The following ASXL2 variants were observed in gnomAD, a reference collection of about 807,000 sequenced individuals.
ASXL2 encodes the protein ASXL transcriptional regulator 2, also known as putative Polycomb group protein ASXL2.
Under a neutral mutation model 122.0 loss-of-function variants are expected in ASXL2, and 23 were observed. That is an observed-to-expected ratio of 0.19 (90% CI 0.14 to 0.27). The LOEUF (loss-of-function observed/expected upper bound fraction) is 0.27. Among genes scored for constraint, ASXL2 ranks in the 10% least tolerant of loss-of-function variants. ASXL2 has a pLI of 1.00. For synonymous variants in ASXL2, 650 were observed against 637.0 expected (o/e 1.02, Z -0.31); for missense variants, 1,518 against 1,713.8 (o/e 0.89, Z 2.02).
At chr2:25,764,731 T>C (rs1314923078) in intron 8 of ASXL2, among the ~76,000 whole-genome samples, 1 of 152,236 alleles carries the variant, frequency 6.6e-6, no homozygotes, top group Non-Finnish European at 1.5e-5. Flanking sequence ...CTTTGTTTGC[T>C]TTTCCCATAT....
At chr2:25,799,993 CA>C (rs563216355) in intron 4 of ASXL2, among the ~76,000 whole-genome samples, 1,003 of 98,160 alleles carry the variant, frequency 0.01, 1 homozygote, top group Middle Eastern at 0.026. Context: ...AAAAAAAATG[CA>C]AAAAAAAAAA....
At chr2:25,810,221 C>T (rs2089147031) in intron 3 of ASXL2, 2 of 602,772 alleles carry the variant, frequency 3.3e-6, no homozygotes, top group Admixed American at 1.9e-5. Flanking sequence ...GGGACACTGC[C>T]AGCTCAGCTC....
chr2:25,855,619 T>C (rs2089767135), intron 1 of ASXL2, among the ~76,000 whole-genome samples: 1 of 151,986 alleles, frequency 6.6e-6, no homozygotes, highest in Non-Finnish European at 1.5e-5. Context: ...TGAGCTGAGA[T>C]CATGCCACTG....
chr2:25,742,815 G>A lies in ASXL2; in HGVS notation c.3522C>T (p.Ser1174=). 1 of 1,613,968 alleles carries A rather than the reference G, an allele frequency of 6.2e-7. No individual in the cohort carries two copies. The highest frequency in any genetic ancestry group is 8.5e-7 in the Non-Finnish European group (1 of 1,179,890). ...CATCAGTGTCATCTTCTTTGCTGCT[G>A]CTACTCTCTCCTGTTGCATTTTTAC... The part of the protein sequence containing the change: ...TDCKNATGES[S]SSKEDDTDEE... The change falls in exon 13 of 13, where the codon AGC becomes AGT. Residue 1174 remains serine (S), a synonymous_variant. Transcript: ENST00000435504.
chr2:25,836,439 T>G (rs1205296299), intron 2 of ASXL2, among the ~76,000 whole-genome samples: 1 of 152,226 alleles, frequency 6.6e-6, no homozygotes, highest in Non-Finnish European at 1.5e-5. Context: ...TAGAGAATAT[T>G]GACTTTATTT....
Position 25,878,290 on chromosome 2 carries a change from C to G in ASXL2, c.-68G>C. Reference sequence around the variant, plus strand: ...CGGCCGCCCTCCCTGCCTGCTCTGCCCTGCGCTGCTTTTCCCGCGGTGCCG... The same window carrying G: ...CGGCCGCCCTCCCTGCCTGCTCTGCGCTGCGCTGCTTTTCCCGCGGTGCCG... On this transcript the variant is annotated 5_prime_UTR_variant, in exon 1 of 13. Transcript: ENST00000435504. 6.5e-7 allele frequency: 1 copy of G among 1,543,902 alleles called. No individual in the cohort carries two copies. Among genetic ancestry groups the G allele is most frequent in the Non-Finnish European group, 8.9e-7 (1 of 1,122,384 alleles).
intron 2 of ASXL2, among the ~76,000 whole-genome samples, chr2:25,843,039 G>T (rs977248359): frequency 4.7e-5 from 7 of 150,422 alleles, no homozygotes; most frequent in Non-Finnish European, 1.0e-4. Flanking sequence ...GGTGGCTCAC[G>T]CCTGTAATCC....
intron 3 of ASXL2, among the ~76,000 whole-genome samples, chr2:25,820,752 TG>T (rs2089298383): frequency 6.6e-6 from 1 of 152,142 alleles, no homozygotes; most frequent in African/African-American, 2.4e-5. Flanking sequence ...TGGCCTGGTG[TG>T]GTGACTGGCC....
intron 5 of ASXL2, among the ~76,000 whole-genome samples, chr2:25,796,203 T>C (rs80216739): frequency 0.015 from 2,342 of 152,312 alleles, 48 homozygotes; most frequent in African/African-American, 0.052. Flanking sequence ...TTTTCTAATA[T>C]AGGCATAGTA....
intron 1 of ASXL2, among the ~76,000 whole-genome samples, chr2:25,867,782 T>C (rs1383446703): frequency 1.3e-5 from 2 of 152,220 alleles, no homozygotes; most frequent in African/African-American, 2.4e-5. Context: ...GCATCAAACA[T>C]ACGCTGCATT....
At chr2:25,857,237 C>T (rs902488579) in intron 1 of ASXL2, among the ~76,000 whole-genome samples, 1 of 151,994 alleles carries the variant, frequency 6.6e-6, no homozygotes, top group Non-Finnish European at 1.5e-5. Context: ...AGAGAAAAAG[C>T]ACACCCTATT....
intron 8 of ASXL2, 66 bp downstream of exon 8, chr2:25,767,517 T>C: frequency 3.2e-6 from 5 of 1,538,732 alleles, no homozygotes; most frequent in South Asian, 1.2e-5. Context: ...AGGTAGCTGA[T>C]GAATTTCAAA....
intron 3 of ASXL2, among the ~76,000 whole-genome samples, chr2:25,821,818 C>T (rs1208242757): frequency 6.6e-6 from 1 of 152,212 alleles, no homozygotes; most frequent in East Asian, 1.9e-4. Context: ...CAACTTATGT[C>T]TCTCTGCTTT....
At position 25,742,799 on chromosome 2, in the gene ASXL2, C is replaced by T. The variant is rs559319074; in HGVS notation, c.3538G>A (p.Asp1180Asn). The change falls in exon 13 of 13, where the codon GAC (aspartate) becomes AAC (asparagine). Residue 1180 changes from aspartate to asparagine, a missense_variant. This residue lies in a region of ASXL2 where 831 missense variants were observed against 833.1 expected (regional missense o/e 1.00). Coordinates refer to ENST00000435504, the MANE Select transcript of ASXL2 (RefSeq NM_018263.6). ...TGESSSSKED[D>N]TDEESTGDEQ... Reference sequence around the variant, plus strand: ...TCACCAGTACTTTCCTCATCAGTGTCATCTTCTTTGCTGCTGCTACTCTCT... The same window carrying T: ...TCACCAGTACTTTCCTCATCAGTGTTATCTTCTTTGCTGCTGCTACTCTCT... 1 of 1,613,990 alleles carries T rather than the reference C, an allele frequency of 6.2e-7. No individual in the cohort carries two copies. The highest frequency in any genetic ancestry group is 2.2e-5 in the East Asian group (1 of 44,878).
At position 25,878,276 on chromosome 2, in the gene ASXL2, C is replaced by G; in HGVS notation, c.-54G>C. Reference sequence around the variant, plus strand: ...CCGTGTCCGGGCTCCGGCCGCCCTCCCTGCCTGCTCTGCCCTGCGCTGCTT... The same window carrying G: ...CCGTGTCCGGGCTCCGGCCGCCCTCGCTGCCTGCTCTGCCCTGCGCTGCTT... On this transcript the variant is annotated 5_prime_UTR_variant, in exon 1 of 13. Transcript: ENST00000435504. 6.3e-7 allele frequency: 1 copy of G among 1,586,576 alleles called. No individual in the cohort carries two copies. Among genetic ancestry groups the G allele is most frequent in the East Asian group, 2.2e-5 (1 of 44,614 alleles).
At chr2:25,760,893 C>G (rs2088230695) in intron 8 of ASXL2, among the ~76,000 whole-genome samples, 1 of 151,938 alleles carries the variant, frequency 6.6e-6, no homozygotes, top group Non-Finnish European at 1.5e-5. Flanking sequence ...AATGTAATTA[C>G]AAAAATAAGG....
At chr2:25,826,042 T>C (rs772695238) in intron 3 of ASXL2, among the ~76,000 whole-genome samples, 1 of 152,178 alleles carries the variant, frequency 6.6e-6, no homozygotes, top group Non-Finnish European at 1.5e-5. Context: ...TACAACGTGG[T>C]GGGCGGGCAC....
chr2:25,813,167 G>C (rs6758088), intron 3 of ASXL2, among the ~76,000 whole-genome samples: 1 of 151,968 alleles, frequency 6.6e-6, no homozygotes, highest in Non-Finnish European at 1.5e-5. Context: ...AGTAAACTAG[G>C]ATTAGTGGAT....
At position 25,742,947 on chromosome 2, in the gene ASXL2, G is replaced by C. The variant is rs766316873; in HGVS notation, c.3390C>G (p.Thr1130=). 8.7e-6 allele frequency: 14 copies of C among 1,613,892 alleles called. 1 individual carries two copies. The South Asian group carries it at 1.5e-4, about 18-fold the overall frequency. Residue 1130 remains threonine (T), a synonymous_variant, in exon 13 of 13, where the codon ACC becomes ACG. Transcript: ENST00000435504. The stretch of plus-strand genomic sequence containing the variant: ...TAAAGCTCTCTGAGCCCCGGCCGTA[G>C]GTAGAAATATTCAGTAAGTAGTGCC... The part of the protein sequence containing the change: ...MAGHYLLNIS[T]YGRGSESFRR...
Sources: gnomAD v4.1 joint callset for allele counts (sites outside exome capture counted in the v4.1 genomes callset) on GRCh38, gnomAD v4.1.1 for gene constraint, gnomAD v4.1.1 regional missense constraint, MANE v1.5 for transcripts, NCBI Gene and HGNC (gene_info 2026-07-23, HGNC 2026-07-21) for gene names.